Variants in ADAMTS6 observed in about 807,000 individuals in gnomAD.
The protein encoded by ADAMTS6 is ADAM metallopeptidase with thrombospondin type 1 motif 6.
In ADAMTS6, 23 loss-of-function variants were observed where a neutral mutation model predicts 144.3. The observed-to-expected ratio is 0.16, with a 90% CI of 0.11 to 0.23. The LOEUF (loss-of-function observed/expected upper bound fraction) is 0.23. Ranked by LOEUF, ADAMTS6 falls within the 10% of genes least tolerant of loss-of-function variation. The probability of loss-of-function intolerance (pLI) is 1.00; values close to 1 mark genes in which losing one functional copy is unlikely to be tolerated. For missense variants in ADAMTS6, 999 were observed against 1,379.6 expected, an observed-to-expected ratio of 0.72 and a Z score of 4.37; for synonymous variants, 444 against 457.5, an observed-to-expected ratio of 0.97 and a Z score of 0.38.
At chr5:65,319,966 C>A (rs1177538763) in intron 9 of ADAMTS6, among the ~76,000 whole-genome samples, 1 of 152,122 alleles carries the variant, frequency 6.6e-6, no homozygotes, top group Non-Finnish European at 1.5e-5. Flanking sequence ...GCCTCAGCCT[C>A]CCGAGTAGCT....
chr5:65,171,266 C>T lies in ADAMTS6; in HGVS notation c.3088-493G>A, dbSNP rs555572966. On this transcript the variant is annotated intron_variant, in intron 23 of 24. Transcript: ENST00000381055. ...CCTCGTGATCTGCCCGCCTCAGCCT[C>T]CCAAAATCCTGGGATTACAGGTGTG... 4.6e-5 allele frequency among the ~76,000 whole-genome samples: 7 copies of T among 152,256 alleles called. No individual in the cohort carries two copies. In the South Asian group the frequency reaches 1.5e-3, roughly 32 times the overall value.
At chr5:65,305,671 T>C (rs1397715566) in intron 9 of ADAMTS6, among the ~76,000 whole-genome samples, 1 of 152,226 alleles carries the variant, frequency 6.6e-6, no homozygotes, top group Non-Finnish European at 1.5e-5. Flanking sequence ...ATGTGTTTAG[T>C]AAACATTTCA....
At chr5:65,308,015 T>TTATC (rs879492756) in intron 9 of ADAMTS6, among the ~76,000 whole-genome samples, 2 of 152,184 alleles carry the variant, frequency 1.3e-5, no homozygotes, top group Non-Finnish European at 2.9e-5. Flanking sequence ...GACTGAATCT[T>TTATC]TATCTAAGCT....
At chr5:65,280,964 T>C (rs1228260920) in intron 11 of ADAMTS6, among the ~76,000 whole-genome samples, 2 of 152,208 alleles carry the variant, frequency 1.3e-5, no homozygotes, top group Admixed American at 1.3e-4. Flanking sequence ...CCCATCACTG[T>C]AGATACTTCA....
At chr5:65,442,646 C>T (rs1341631702) in intron 7 of ADAMTS6, among the ~76,000 whole-genome samples, 1 of 151,762 alleles carries the variant, frequency 6.6e-6, no homozygotes, top group Non-Finnish European at 1.5e-5. Context: ...AAAAAAAATA[C>T]AATTTTGGAA....
intron 13 of ADAMTS6, 84 bp from the exon 14 acceptor site, chr5:65,260,747 T>A (rs886961321): frequency 1.7e-5 from 17 of 1,007,682 alleles, no homozygotes; most frequent in Non-Finnish European, 2.2e-5. Context: ...GAAAACATAC[T>A]AAAGTTTACT....
chr5:65,175,301 A>G (rs554650277), intron 22 of ADAMTS6, among the ~76,000 whole-genome samples: 1 of 152,198 alleles, frequency 6.6e-6, no homozygotes, highest in Admixed American at 6.5e-5. Context: ...GCAGAGAGGC[A>G]GAAAGAGACA....
At chr5:65,195,851 T>C (rs1349100476) in intron 21 of ADAMTS6, among the ~76,000 whole-genome samples, 2 of 152,230 alleles carry the variant, frequency 1.3e-5, no homozygotes, top group East Asian at 3.8e-4. Flanking sequence ...AAGAATGAAA[T>C]GCCAATCACA....
intron 7 of ADAMTS6, among the ~76,000 whole-genome samples, chr5:65,407,401 A>G (rs1358731479): frequency 6.6e-6 from 1 of 151,352 alleles, no homozygotes; most frequent in Non-Finnish European, 1.5e-5. Context: ...GGTTCGTTAC[A>G]TATGTATACA....
rs759292306 is a variant in ADAMTS6 at position 65,242,069 on chromosome 5, C to T, written c.1933+35G>A. ...TATATTCTTTGATATTTGCAAAGTGCTCAAGCATGAATGCTCTGTCAGGTT... is the reference window on the plus strand; with the variant it reads ...TATATTCTTTGATATTTGCAAAGTGTTCAAGCATGAATGCTCTGTCAGGTT... On this transcript the variant is annotated intron_variant, in intron 15 of 24. Transcript: ENST00000381055. 5 of 1,433,086 alleles carry T rather than the reference C, an allele frequency of 3.5e-6. No homozygotes were observed. The African/African-American group carries it at 5.7e-5, about 16-fold the overall frequency. 88.8% of individuals were successfully genotyped at this position (1,433,086 alleles called of 1,614,324 possible).
chr5:65,267,365 G>A (rs1156930887), intron 12 of ADAMTS6, among the ~76,000 whole-genome samples: 1 of 151,938 alleles, frequency 6.6e-6, no homozygotes, highest in Non-Finnish European at 1.5e-5. Flanking sequence ...GCTAATTGGG[G>A]TATGTTTAAC....
At position 65,473,845 on chromosome 5, in the gene ADAMTS6, T is replaced by C; in HGVS notation, c.-172A>G. The C allele has an allele frequency of 1.9e-6, 1 of 514,968 alleles. No individual in the cohort carries two copies. Among genetic ancestry groups the C allele is most frequent in the East Asian group, 2.9e-5 (1 of 34,482 alleles). 31.9% of individuals were successfully genotyped at this position (514,968 alleles called of 1,614,324 possible). A position where few individuals can be genotyped will look rare whatever the true frequency, so the allele number is the denominator to read the frequency against. ...ATCCAACATCCTGCACTTTCTTCTA[T>C]ATCTGGATTCATTTTCTCAATCCAA... is the stretch of plus-strand genomic sequence containing the variant. On this transcript the variant is annotated 5_prime_UTR_variant, in exon 2 of 25. The change creates a new upstream start codon in the 5' untranslated region. Transcript: ENST00000381055.
At chr5:65,370,229 G>A (rs781384207) in intron 7 of ADAMTS6, among the ~76,000 whole-genome samples, 8 of 152,194 alleles carry the variant, frequency 5.3e-5, no homozygotes, top group Non-Finnish European at 1.0e-4. Flanking sequence ...CCAACATGGT[G>A]AAATCCCATC....
At chr5:65,264,542 T>A (rs1761459199) in intron 12 of ADAMTS6, among the ~76,000 whole-genome samples, 1 of 152,168 alleles carries the variant, frequency 6.6e-6, no homozygotes. Context: ...CCAGACCATG[T>A]AACAGTGATT....
chr5:65,365,675 AGG>A (rs10561238), intron 7 of ADAMTS6, among the ~76,000 whole-genome samples: 85,976 of 150,600 alleles, frequency 0.57, 25,977 homozygotes, highest in African/African-American at 0.77. Flanking sequence ...TAACTGAACA[AGG>A]AGCAATATTC....
At chr5:65,473,523 T>C (rs1184661387) in intron 2 of ADAMTS6, 54 bp downstream of exon 2, 3 of 1,477,146 alleles carry the variant, frequency 2.0e-6, no homozygotes, top group Non-Finnish European at 1.9e-6. Flanking sequence ...CAGAATCTTT[T>C]CTTGTCCAAT....
intron 24 of ADAMTS6, among the ~76,000 whole-genome samples, chr5:65,162,195 A>T (rs1396886775): frequency 1.3e-5 from 2 of 152,240 alleles, no homozygotes; most frequent in African/African-American, 4.8e-5. Flanking sequence ...TGCAAAGTTT[A>T]TCTATAATGA....
intron 7 of ADAMTS6, among the ~76,000 whole-genome samples, chr5:65,370,754 C>G (rs1039980854): frequency 1.3e-5 from 2 of 152,200 alleles, no homozygotes; most frequent in Non-Finnish European, 1.5e-5. Flanking sequence ...GGGGAAGCTC[C>G]AACTGGGTGG....
intron 18 of ADAMTS6, among the ~76,000 whole-genome samples, chr5:65,220,160 A>C (rs1757219148): frequency 6.6e-6 from 1 of 152,214 alleles, no homozygotes; most frequent in Admixed American, 6.5e-5. Context: ...TCTGTCCAAA[A>C]TACAATTAAA....
Sources: allele counts gnomAD v4.1 joint callset (sites outside exome capture counted in the v4.1 genomes callset), GRCh38; gene constraint gnomAD v4.1.1; transcripts MANE v1.5; gene names NCBI Gene and HGNC (gene_info 2026-07-23, HGNC 2026-07-21).